Variants in KIRREL3 observed in about 807,000 individuals in gnomAD.
KIRREL3 encodes kirre like nephrin family adhesion molecule 3.
KIRREL3 carries 36 observed loss-of-function variants against 89.7 expected under a neutral mutation model. The ratio of observed to expected loss-of-function variants is 0.40; its 90% confidence interval spans 0.31 to 0.53. KIRREL3 has a LOEUF of 0.53. Among genes scored for constraint, KIRREL3 ranks in the 20% least tolerant of loss-of-function variants. The pLI is 0.49. For synonymous variants in KIRREL3, 445 were observed against 441.4 expected (o/e 1.01, Z -0.10); for missense variants, 864 against 1,056.6 (o/e 0.82, Z 2.53).
intron 1 of KIRREL3, among the ~76,000 whole-genome samples, chr11:126,866,434 C>T (rs191165115): frequency 1.2e-4 from 18 of 152,260 alleles, no homozygotes; most frequent in Non-Finnish European, 2.5e-4. Context: ...CTACTAAGGA[C>T]GTAACACCTT....
At chr11:126,737,040 T>C (rs1353081348) in intron 1 of KIRREL3, among the ~76,000 whole-genome samples, 2 of 152,214 alleles carry the variant, frequency 1.3e-5, no homozygotes, top group Non-Finnish European at 2.9e-5. Flanking sequence ...TTTTCTCAAA[T>C]AGTAAGTTTC....
rs1415904344 is a variant in KIRREL3 at position 126,943,676 on chromosome 11, G to C, written c.55+56779C>G. On this transcript the variant is annotated intron_variant, in intron 1 of 16. Transcript: ENST00000525144. This position sits in a 1 kb window ranked among gnomAD's most constrained non-coding sequence, Gnocchi z 4.2. Reference sequence around the variant, plus strand: ...ACTGCAGGGTCACCAGGGCCAGAATGACTGATGTGAGGGGTCAAGGGCAGG... The same window carrying C: ...ACTGCAGGGTCACCAGGGCCAGAATCACTGATGTGAGGGGTCAAGGGCAGG... Among the ~76,000 whole-genome samples, 1 of 152,204 alleles carries C rather than the reference G, an allele frequency of 6.6e-6. No homozygotes were observed. Among genetic ancestry groups the C allele is most frequent in the Non-Finnish European group, 1.5e-5 (1 of 68,032 alleles).
intron 2 of KIRREL3, among the ~76,000 whole-genome samples, chr11:126,545,416 G>A (rs1447474575): frequency 6.6e-6 from 1 of 151,960 alleles, no homozygotes; most frequent in East Asian, 1.9e-4. Context: ...AGGGGTGGGA[G>A]GTGTTCAGTC....
Position 126,981,018 on chromosome 11 carries a change from T to C in KIRREL3, c.55+19437A>G, listed in dbSNP as rs973974102. 2.0e-5 allele frequency among the ~76,000 whole-genome samples: 3 copies of C among 152,212 alleles called. No homozygotes were observed. The highest frequency in any genetic ancestry group is 4.4e-5 in the Non-Finnish European group (3 of 68,034). On this transcript the variant is annotated intron_variant, in intron 1 of 16. Transcript: ENST00000525144. The surrounding 1 kb of genome is among the most constrained non-coding windows in gnomAD (Gnocchi z 4.2). ...ATCCTCAGTACTTAGCAATGAGAGA[T>C]GGTATACTTAGATCTCTGTACCGTG...
intron 1 of KIRREL3, among the ~76,000 whole-genome samples, chr11:126,595,162 G>T (rs1942336316): frequency 6.6e-6 from 1 of 152,234 alleles, no homozygotes; most frequent in Non-Finnish European, 1.5e-5. Context: ...TCTTTCCAAG[G>T]CTCTTAACCC....
Position 126,689,550 on chromosome 11 carries a change from C to T in KIRREL3, c.56-126638G>A, listed in dbSNP as rs943749955. 6.6e-6 allele frequency among the ~76,000 whole-genome samples: 1 copy of T among 152,216 alleles called. No homozygotes were observed. Among genetic ancestry groups the T allele is most frequent in the East Asian group, 1.9e-4 (1 of 5,190 alleles). On this transcript the variant is annotated intron_variant, in intron 1 of 16. Coordinates refer to ENST00000525144, the MANE Select transcript of KIRREL3 (RefSeq NM_032531.4). This position sits in a 1 kb window ranked among gnomAD's most constrained non-coding sequence, Gnocchi z 5.2. ...CCAGCTGCCTTCTTGTCACCTGGCT[C>T]TACCTTACCTTGACACTCCCAAGTG...
In KIRREL3 at chr11:126,955,387, G is replaced by C. The variant is rs530716592; in HGVS notation, c.55+45068C>G. ...CCCTAACAAAGGGGAGGAGGTTGGA[G>C]AGCATTAACAGATTTACTCACCCAA... On this transcript the variant is annotated intron_variant, in intron 1 of 16. Transcript: ENST00000525144. The surrounding 1 kb of genome is among the most constrained non-coding windows in gnomAD (Gnocchi z 4.6). Among the ~76,000 whole-genome samples, 1 of 152,198 alleles carries C rather than the reference G, an allele frequency of 6.6e-6. No homozygotes were observed. Among genetic ancestry groups the C allele is most frequent in the African/African-American group, 2.4e-5 (1 of 41,458 alleles).
intron 1 of KIRREL3, among the ~76,000 whole-genome samples, chr11:126,815,174 A>G (rs1951516030): frequency 6.6e-6 from 1 of 152,238 alleles, no homozygotes; most frequent in Non-Finnish European, 1.5e-5. Flanking sequence ...CAGGACCATG[A>G]GGAGCAATTA....
Position 126,860,399 on chromosome 11 carries a change from G to C in KIRREL3, c.55+140056C>G, listed in dbSNP as rs1423976131. On this transcript the variant is annotated intron_variant, in intron 1 of 16. Transcript: ENST00000525144. This position sits in a 1 kb window ranked among gnomAD's most constrained non-coding sequence, Gnocchi z 4.6. The stretch of plus-strand genomic sequence containing the variant: ...AGGCAGAAAAGCTGGGAAAGTTATA[G>C]AAGTGATATTTAAGAGCCTCAGGTG... Among the ~76,000 whole-genome samples, 3 of 152,182 alleles carry C rather than the reference G, an allele frequency of 2.0e-5. No individual in the cohort carries two copies. The highest frequency in any genetic ancestry group is 4.4e-5 in the Non-Finnish European group (3 of 68,040).
rs1196583039 is a variant in KIRREL3 at position 126,450,400 on chromosome 11, TGA to T, written c.849-1245_849-1244del. Among the ~76,000 whole-genome samples the T allele has an allele frequency of 2.2e-4, 33 of 150,746 alleles. 1 individual carries two copies. Among genetic ancestry groups the T allele is most frequent in the Admixed American group, 1.3e-3 (20 of 15,052 alleles). On this transcript the variant is annotated intron_variant, in intron 7 of 16. Transcript: ENST00000525144. Reference sequence around the variant, plus strand: ...GTGCATGTGTGAGTGTGGGTATGTGTGAGTGTGTGCATGTGTGAGTGGGCATG... The same window carrying T: ...GTGCATGTGTGAGTGTGGGTATGTGTGTGTGTGCATGTGTGAGTGGGCATG...
In KIRREL3 at chr11:126,769,185, C is replaced by G. The variant is rs1949942344; in HGVS notation, c.56-206273G>C. Among the ~76,000 whole-genome samples the G allele has an allele frequency of 6.6e-6, 1 of 152,218 alleles. No individual in the cohort carries two copies. Among genetic ancestry groups the G allele is most frequent in the South Asian group, 2.1e-4 (1 of 4,830 alleles). On this transcript the variant is annotated intron_variant, in intron 1 of 16. Transcript: ENST00000525144. This position sits in a 1 kb window ranked among gnomAD's most constrained non-coding sequence, Gnocchi z 4.3. ...CTGCCAGTCACTGCTTTCCCTTCCT[C>G]CTACGCTTTCAACACATCTCTAATA...
intron 1 of KIRREL3, among the ~76,000 whole-genome samples, chr11:126,591,604 G>A (rs1359857331): frequency 6.6e-6 from 1 of 152,180 alleles, no homozygotes; most frequent in East Asian, 1.9e-4. Context: ...GTCAGCTCTG[G>A]GGGCCCCATC....
At chr11:126,820,711 C>T (rs572008677) in intron 1 of KIRREL3, among the ~76,000 whole-genome samples, 97 of 152,114 alleles carry the variant, frequency 6.4e-4, no homozygotes, top group African/African-American at 2.1e-3. Flanking sequence ...AGAGTCTCAG[C>T]GGGCACAGCA....
In KIRREL3 at chr11:126,606,954, CT is replaced by C. The variant is rs779029257; in HGVS notation, c.56-44043del. Among the ~76,000 whole-genome samples the C allele has an allele frequency of 6.6e-6, 1 of 152,138 alleles. No individual in the cohort carries two copies. The highest frequency in any genetic ancestry group is 1.5e-5 in the Non-Finnish European group (1 of 68,022). ...GGGGTGGCCAGGCAGTGCTTTCTAG[CT>C]GAAGTAAGCAGCTTTGGAACCTGCC... is the stretch of plus-strand genomic sequence containing the variant. On this transcript the variant is annotated intron_variant, in intron 1 of 16. Coordinates refer to ENST00000525144, the MANE Select transcript of KIRREL3 (RefSeq NM_032531.4). The surrounding 1 kb of genome is among the most constrained non-coding windows in gnomAD (Gnocchi z 4.6).
intron 1 of KIRREL3, among the ~76,000 whole-genome samples, chr11:126,913,319 C>T (rs553928190): frequency 1.3e-5 from 2 of 152,284 alleles, no homozygotes; most frequent in South Asian, 2.1e-4. Context: ...GTCCATTGTT[C>T]TCAGGGCTAT....
intron 1 of KIRREL3, among the ~76,000 whole-genome samples, chr11:126,711,861 C>T (rs958953032): frequency 6.6e-6 from 1 of 152,200 alleles, no homozygotes; most frequent in Non-Finnish European, 1.5e-5. Context: ...GAGCCTGAAG[C>T]ATGGGCGGCG....
rs1341457406 is a variant in KIRREL3, at chr11:126,908,967, C to T, written c.55+91488G>A. On this transcript the variant is annotated intron_variant, in intron 1 of 16. Transcript: ENST00000525144. This position sits in a 1 kb window ranked among gnomAD's most constrained non-coding sequence, Gnocchi z 4.2. Reference sequence around the variant, plus strand: ...TTATAATACATAATAAAAATATATGCTATGTAAACAGTTACTTAAATTTGT... The same window carrying T: ...TTATAATACATAATAAAAATATATGTTATGTAAACAGTTACTTAAATTTGT... Among the ~76,000 whole-genome samples the T allele has an allele frequency of 6.6e-6, 1 of 151,982 alleles. No individual in the cohort carries two copies. The highest frequency in any genetic ancestry group is 2.4e-5 in the African/African-American group (1 of 41,350).
Position 126,996,424 on chromosome 11 carries a change from G to A in KIRREL3, c.55+4031C>T, listed in dbSNP as rs1445455021. Among the ~76,000 whole-genome samples the A allele has an allele frequency of 6.6e-6, 1 of 151,818 alleles. No individual in the cohort carries two copies. The highest frequency in any genetic ancestry group is 1.5e-5 in the Non-Finnish European group (1 of 67,970). ...CCCCTATGATCCCTCCATTCTTTAG[G>A]CCACCTCTGATGTGTTCAGGCTCTC... On this transcript the variant is annotated intron_variant, in intron 1 of 16. Coordinates refer to ENST00000525144, the MANE Select transcript of KIRREL3 (RefSeq NM_032531.4). The surrounding 1 kb of genome is among the most constrained non-coding windows in gnomAD (Gnocchi z 4.7).
intron 1 of KIRREL3, among the ~76,000 whole-genome samples, chr11:126,941,308 A>G (rs1265665081): frequency 2.0e-5 from 3 of 152,160 alleles, no homozygotes; most frequent in African/African-American, 4.8e-5. Context: ...CAAAATTGCC[A>G]CCTGATCTCT....
Sources: allele counts gnomAD v4.1 joint callset (sites outside exome capture counted in the v4.1 genomes callset), GRCh38; gene constraint gnomAD v4.1.1; non-coding constraint Gnocchi (gnomAD v3.1); transcripts MANE v1.5; gene names NCBI Gene and HGNC (gene_info 2026-07-23, HGNC 2026-07-21).